The following PCDHGB4 variants were observed in gnomAD, a reference collection of about 807,000 sequenced individuals.
The protein encoded by PCDHGB4 is protocadherin gamma subfamily B, 4, also known as protocadherin gamma-B4.
Under a neutral mutation model 60.5 loss-of-function variants are expected in PCDHGB4, and 38 were observed. The ratio of observed to expected loss-of-function variants is 0.63; its 90% confidence interval spans 0.48 to 0.82. The LOEUF (loss-of-function observed/expected upper bound fraction) is 0.82. Among genes scored for constraint, PCDHGB4 ranks in the 40% least tolerant of loss-of-function variants. The pLI is 0.00. For synonymous variants in PCDHGB4, 456 were observed against 509.7 expected (o/e 0.89, Z 1.42); for missense variants, 1,109 against 1,209.6 (o/e 0.92, Z 1.23).
At chr5:141,481,441 T>C (rs1397908285) in intron 1 of PCDHGB4, among the ~76,000 whole-genome samples, 1 of 152,250 alleles carries the variant, frequency 6.6e-6, no homozygotes, top group East Asian at 1.9e-4. Context: ...ATCAGTTTAG[T>C]ACATGTAAAT....
At position 141,491,735 on chromosome 5, in the gene PCDHGB4, G is replaced by C. The variant is rs765837152; in HGVS notation, c.2398-3072G>C. ...TCGGCGCCGCCCCGGGCGACCCCTG[G>C]GGGCGGCACTGGAGAAGCCGCCCGT... On this transcript the variant is annotated intron_variant, in intron 1 of 3. Coordinates refer to ENST00000519479, the MANE Select transcript of PCDHGB4 (RefSeq NM_003736.4). The surrounding 1 kb of genome is among the most constrained non-coding windows in gnomAD (Gnocchi z 6.9). 2.5e-6 allele frequency: 4 copies of C among 1,601,968 alleles called. No homozygotes were observed. In the South Asian group the frequency reaches 4.4e-5, roughly 18 times the overall value.
intron 1 of PCDHGB4, chr5:141,399,976 C>CTGCGCACAGGAGAGG: frequency 1.2e-6 from 2 of 1,612,242 alleles, no homozygotes; most frequent in Non-Finnish European, 1.7e-6. Flanking sequence ...CAGCCTGGGG[C>CTGCGCACAGGAGAGG]TGCGCACAGG....
rs369323252 is a variant in PCDHGB4 at position 141,487,658 on chromosome 5, G to T, written c.2398-7149G>T. ...TCAACAAATGCTTGAGGGTTATTCT[G>T]ATCCAGGCATATGGCTAGGCCATGT... On this transcript the variant is annotated intron_variant, in intron 1 of 3. Coordinates refer to ENST00000519479, the MANE Select transcript of PCDHGB4 (RefSeq NM_003736.4). This position sits in a 1 kb window ranked among gnomAD's most constrained non-coding sequence, Gnocchi z 5.0. The T allele has an allele frequency of 8.7e-5, 140 of 1,613,508 alleles. No individual in the cohort carries two copies. The highest frequency in any genetic ancestry group is 1.1e-4 in the Non-Finnish European group (134 of 1,179,802).
rs1001717368 is a variant in PCDHGB4 at position 141,405,559 on chromosome 5, G to A, written c.2397+15278G>A. ...CTCAGCCTCCCAAGTAGAGTAGCTG[G>A]GACTAGAGTAGAGTAGCTGGGACTA... On this transcript the variant is annotated intron_variant, in intron 1 of 3. Transcript: ENST00000519479. 1.8e-5 allele frequency: 11 copies of A among 614,566 alleles called. No individual in the cohort carries two copies. In the Admixed American group the frequency reaches 2.9e-4, roughly 16 times the overall value. The allele number at this position is 614,566 out of a possible 1,614,324, so 38.1% of individuals were successfully genotyped here.
chr5:141,474,488 A>C (rs2099350464), intron 1 of PCDHGB4, among the ~76,000 whole-genome samples: 1 of 152,208 alleles, frequency 6.6e-6, no homozygotes. Flanking sequence ...AATGTATTCT[A>C]TCTTCTAATG....
In PCDHGB4 at chr5:141,389,914, C is replaced by T. The variant is rs754458764; in HGVS notation, c.2030C>T (p.Pro677Leu). 6.2e-7 allele frequency: 1 copy of T among 1,613,956 alleles called. No individual in the cohort carries two copies. The highest frequency in any genetic ancestry group is 1.1e-5 in the South Asian group (1 of 91,088). ...QEVLPDITDRPDPSDLQAELQ... is the reference protein window; with the variant it reads ...QEVLPDITDRLDPSDLQAELQ... ...GTGCTGCCGGATATCACTGACCGCC[C>T]CGACCCCTCTGACCTCCAGGCTGAG... Residue 677 changes from proline to leucine, a missense_variant, in exon 1 of 4, where the codon CCC becomes CTC. Physicochemically the swap from Pro to Leu is moderately conservative, Grantham distance 98. This residue lies in a region of PCDHGB4 where 1,068 missense variants were observed against 1,089.9 expected (regional missense o/e 0.98). Coordinates refer to ENST00000519479, the MANE Select transcript of PCDHGB4 (RefSeq NM_003736.4).
Position 141,489,712 on chromosome 5 carries a change from C to G in PCDHGB4, c.2398-5095C>G. On this transcript the variant is annotated intron_variant, in intron 1 of 3. Transcript: ENST00000519479. The surrounding 1 kb of genome is among the most constrained non-coding windows in gnomAD (Gnocchi z 4.5). ...GGCACGATTCCCACTGGACAGTGCC[C>G]AGGATCCGGATGTGGGCACCAATAC... The G allele has an allele frequency of 6.2e-7, 1 of 1,614,162 alleles. No individual in the cohort carries two copies. Among genetic ancestry groups the G allele is most frequent in the South Asian group, 1.1e-5 (1 of 91,078 alleles).
intron 1 of PCDHGB4, among the ~76,000 whole-genome samples, chr5:141,482,530 C>CAAAAAAAAA (rs3074545): frequency 5.2e-4 from 40 of 76,506 alleles, no homozygotes; most frequent in African/African-American, 1.4e-3. Context: ...GACAGACATG[C>CAAAAAAAAA]AAAAAAAAAA....
Position 141,476,110 on chromosome 5 carries a change from G to A in PCDHGB4, c.2398-18697G>A. ...GACCCCGCTGAGAGGAACTGCTTTT[G>A]AGTGAGATGGTCCCAGAGGCCTGGA... On this transcript the variant is annotated intron_variant, in intron 1 of 3. Transcript: ENST00000519479. The surrounding 1 kb of genome is among the most constrained non-coding windows in gnomAD (Gnocchi z 7.6). 1.9e-6 allele frequency: 3 copies of A among 1,589,382 alleles called. No homozygotes were observed. The highest frequency in any genetic ancestry group is 2.6e-6 in the Non-Finnish European group (3 of 1,170,364).
At chr5:141,437,561 C>G (rs1228292384) in intron 1 of PCDHGB4, among the ~76,000 whole-genome samples, 1 of 152,110 alleles carries the variant, frequency 6.6e-6, no homozygotes, top group Non-Finnish European at 1.5e-5. Context: ...TGACATGTAA[C>G]AGAGTATAGC....
chr5:141,471,846 T>C (rs2099265433), intron 1 of PCDHGB4, among the ~76,000 whole-genome samples: 1 of 152,180 alleles, frequency 6.6e-6, no homozygotes. Context: ...AATAAAATAT[T>C]CAGAAAAAGC....
chr5:141,475,903 G>C, intron 1 of PCDHGB4: 5 of 576,064 alleles, frequency 8.7e-6, no homozygotes, highest in Non-Finnish European at 1.5e-5. Context: ...TGCCGCTGTC[G>C]GCCAATGAAG....
chr5:141,502,866 CTT>C (rs549047197), intron 2 of PCDHGB4, among the ~76,000 whole-genome samples: 3 of 127,996 alleles, frequency 2.3e-5, no homozygotes, highest in Admixed American at 8.6e-5. Flanking sequence ...GACTCTCTGT[CTT>C]TTTTTTTTTT....
intron 1 of PCDHGB4, chr5:141,399,573 A>T (rs1431985190): frequency 6.2e-7 from 1 of 1,614,020 alleles, no homozygotes; most frequent in Admixed American, 1.7e-5. Flanking sequence ...TGAACGGCCA[A>T]GTCTCCTACT....
intron 1 of PCDHGB4, chr5:141,427,310 C>A (rs989300491): frequency 2.2e-5 from 10 of 456,738 alleles, no homozygotes; most frequent in African/African-American, 1.8e-4. Flanking sequence ...ATGACAATGC[C>A]CCAGACGTGG....
chr5:141,442,051 C>G (rs1384937090), intron 1 of PCDHGB4: 1 of 197,158 alleles, frequency 5.1e-6, no homozygotes, highest in East Asian at 1.8e-4. Context: ...CTACTGGTCG[C>G]GGTGCACTGC....
At chr5:141,481,472 A>G (rs2099538174) in intron 1 of PCDHGB4, among the ~76,000 whole-genome samples, 1 of 152,246 alleles carries the variant, frequency 6.6e-6, no homozygotes, top group Non-Finnish European at 1.5e-5. Context: ...CCATTGGATT[A>G]TACACTTTAA....
intron 1 of PCDHGB4, chr5:141,421,949 C>T (rs749189262): frequency 6.2e-6 from 10 of 1,612,856 alleles, no homozygotes; most frequent in Non-Finnish European, 6.8e-6. Flanking sequence ...GATCACATCC[C>T]AATGTTTACA....
intron 1 of PCDHGB4, chr5:141,413,621 A>G (rs369411784): frequency 1.0e-4 from 161 of 1,613,784 alleles, no homozygotes; most frequent in Admixed American, 1.5e-4. Flanking sequence ...ATTAATGAAA[A>G]TGTCGCTGCG....
Sources: gnomAD v4.1 joint callset for allele counts (sites outside exome capture counted in the v4.1 genomes callset) on GRCh38, gnomAD v4.1.1 for gene constraint, gnomAD v4.1.1 regional missense constraint, Gnocchi (gnomAD v3.1) non-coding constraint, MANE v1.5 for transcripts, NCBI Gene and HGNC (gene_info 2026-07-23, HGNC 2026-07-21) for gene names.